Variants in SLC13A4 observed in about 807,000 individuals in gnomAD.
SLC13A4 encodes Na(+)/sulfate cotransporter SUT-1.
In SLC13A4, 28 loss-of-function variants were observed where a neutral mutation model predicts 72.7. The ratio of observed to expected loss-of-function variants is 0.39; its 90% CI spans 0.29 to 0.53. The LOEUF (loss-of-function observed/expected upper bound fraction) is 0.53. Ranked by LOEUF, SLC13A4 falls within the 20% of genes least tolerant of loss-of-function variation. The pLI is 0.78. For synonymous variants in SLC13A4, 312 were observed against 325.5 expected (o/e 0.96, Z 0.45); for missense variants, 653 against 788.0 (o/e 0.83, Z 2.05).
Position 135,701,775 on chromosome 7 carries a change from G to C in SLC13A4, c.634-15C>G, listed in dbSNP as rs1796042115. ...CCATTCAGGTTCTGTTGGGACAAAG[G>C]CCATCTCACTATTAGGAAGAGGAAG... On this transcript the variant is annotated splice_polypyrimidine_tract_variant and intron_variant, in intron 6 of 15. Coordinates refer to ENST00000682651, the MANE Select transcript of SLC13A4 (RefSeq NM_001318192.2). 2 of 1,612,768 alleles carry C rather than the reference G, an allele frequency of 1.2e-6. No individual in the cohort carries two copies. The highest frequency in any genetic ancestry group is 1.7e-6 in the Non-Finnish European group (2 of 1,179,330).
At position 135,685,570 on chromosome 7, in the gene SLC13A4, C is replaced by T. The variant is rs1795603679; in HGVS notation, c.1560G>A (p.Val520=). The part of the protein sequence containing the change: ...CILVSIVTEF[V]SNPATITIFL... ...AGATGGTGATGGTTGCTGGGTTGCT[C>T]ACAAACTCAGTGACAATGGACACGA... Residue 520 remains valine (V), a synonymous_variant, in exon 14 of 16, where the codon GTG becomes GTA. Coordinates refer to ENST00000682651, the MANE Select transcript of SLC13A4 (RefSeq NM_001318192.2). The T allele has an allele frequency of 1.9e-6, 3 of 1,614,092 alleles. No homozygotes were observed. The highest frequency in any genetic ancestry group is 3.3e-4 in the Middle Eastern group (2 of 6,084).
intron 7 of SLC13A4, among the ~76,000 whole-genome samples, 194 bp from the exon 8 acceptor site, chr7:135,699,742 C>T (rs1795988967): frequency 6.6e-6 from 1 of 152,090 alleles, no homozygotes; most frequent in African/African-American, 2.4e-5. Context: ...ATGGTGGAAA[C>T]CATATTTTCT....
intron 6 of SLC13A4, 108 bp downstream of exon 6, chr7:135,702,737 G>A: frequency 2.2e-6 from 2 of 892,160 alleles, no homozygotes; most frequent in South Asian, 2.7e-5. Flanking sequence ...GAACTCTAAG[G>A]TGGATCTGTA....
chr7:135,708,917 A>ATTTTTTTTTT (rs59407311), intron 2 of SLC13A4, among the ~76,000 whole-genome samples: 1 of 71,460 alleles, frequency 1.4e-5, no homozygotes, highest in Non-Finnish European at 2.4e-5. Context: ...GTCTTGCTCA[A>ATTTTTTTTTT]TTTTTTTTTT....
At chr7:135,726,596 C>T (rs977584958) in intron 1 of SLC13A4, among the ~76,000 whole-genome samples, 6 of 152,090 alleles carry the variant, frequency 3.9e-5, no homozygotes, top group African/African-American at 1.4e-4. Flanking sequence ...AGCAGGTGAC[C>T]ACCAGGAGGG....
intron 6 of SLC13A4, chr7:135,702,566 G>C: frequency 2.7e-6 from 1 of 366,028 alleles, no homozygotes; most frequent in Non-Finnish European, 5.1e-6. Context: ...AGTACAGGCG[G>C]GGTTTCACCA....
intron 4 of SLC13A4, 134 bp downstream of exon 4, chr7:135,705,994 G>A: frequency 2.6e-6 from 2 of 772,218 alleles, no homozygotes; most frequent in Non-Finnish European, 4.1e-6. Context: ...GGAAGAGGAA[G>A]GGGAATGTGG....
chr7:135,697,596 T>C (rs1019132141), intron 8 of SLC13A4, among the ~76,000 whole-genome samples: 1 of 142,844 alleles, frequency 7.0e-6, no homozygotes, highest in Non-Finnish European at 1.5e-5. Context: ...CTTTTTTTTT[T>C]TTTTTTCTTT....
chr7:135,724,726 T>TA (rs1385523343), intron 1 of SLC13A4, among the ~76,000 whole-genome samples: 1 of 152,164 alleles, frequency 6.6e-6, no homozygotes, highest in Non-Finnish European at 1.5e-5. Flanking sequence ...TATCATTTTT[T>TA]ACCTGGATTT....
At chr7:135,697,118 C>G (rs541938451) in intron 8 of SLC13A4, among the ~76,000 whole-genome samples, 1 of 152,330 alleles carries the variant, frequency 6.6e-6, no homozygotes, top group East Asian at 1.9e-4. Flanking sequence ...TATGAATATC[C>G]AGGCAGGGAC....
chr7:135,709,279 A>T (rs1796243191), intron 2 of SLC13A4, among the ~76,000 whole-genome samples: 1 of 151,820 alleles, frequency 6.6e-6, no homozygotes, highest in African/African-American at 2.4e-5. Flanking sequence ...AGTTCCAATG[A>T]ATTCCAAAAA....
At chr7:135,684,830 G>A (rs1332051190) in intron 14 of SLC13A4, among the ~76,000 whole-genome samples, 2 of 152,152 alleles carry the variant, frequency 1.3e-5, no homozygotes, top group African/African-American at 4.8e-5. Flanking sequence ...GTTAGAAAGA[G>A]CAGTAGGAGA....
chr7:135,726,765 G>A (rs1436339645), intron 1 of SLC13A4, among the ~76,000 whole-genome samples: 1 of 152,220 alleles, frequency 6.6e-6, no homozygotes, highest in Non-Finnish European at 1.5e-5. Flanking sequence ...AGAAAACACA[G>A]AAGACACAAA....
At chr7:135,701,653 CAG>C in intron 7 of SLC13A4, 25 bp downstream of exon 7, 1 of 1,609,364 alleles carries the variant, frequency 6.2e-7, no homozygotes, top group Non-Finnish European at 8.5e-7. Context: ...ATGTAGGAAA[CAG>C]AGCTAGAAGG....
Position 135,699,347 on chromosome 7 carries a change from C to T in SLC13A4, c.899+17G>A. The T allele has an allele frequency of 6.2e-7, 1 of 1,600,012 alleles. No homozygotes were observed. Among genetic ancestry groups the T allele is most frequent in the Non-Finnish European group, 8.5e-7 (1 of 1,171,710 alleles). ...GTGGTGGTTAGTAAATATTTGTTGA[C>T]CAAGTGAATCACTTACTTGTTGAAG... On this transcript the variant is annotated intron_variant, in intron 8 of 15. Coordinates refer to ENST00000682651, the MANE Select transcript of SLC13A4 (RefSeq NM_001318192.2).
At position 135,691,130 on chromosome 7, in the gene SLC13A4, C is replaced by T. The variant is rs1795775011; in HGVS notation, c.1446+71G>A. On this transcript the variant is annotated intron_variant, in intron 13 of 15. Coordinates refer to ENST00000682651, the MANE Select transcript of SLC13A4 (RefSeq NM_001318192.2). ...AGTGAGCTGAGATTGTGCCACTGCA[C>T]TCCAGCCTGGGTGACAGAGCAAGAC... 4 of 1,452,826 alleles carry T rather than the reference C, an allele frequency of 2.8e-6. No homozygotes were observed. The East Asian group carries it at 7.4e-5, about 27-fold the overall frequency. The allele number at this position is 1,452,826 out of a possible 1,614,324, so 90.0% of individuals were successfully genotyped here.
At chr7:135,716,318 T>G (rs937800147) in intron 2 of SLC13A4, among the ~76,000 whole-genome samples, 6 of 152,188 alleles carry the variant, frequency 3.9e-5, no homozygotes, top group African/African-American at 1.4e-4. Flanking sequence ...TAAAAAAAAT[T>G]TTTTTAGATG....
At position 135,685,507 on chromosome 7, in the gene SLC13A4, C is replaced by T. The variant is rs1436928489; in HGVS notation, c.1608+15G>A. ...GACAGCCTGTCTGGATGTCTGGGAGCTCCGCATTACTCACCAGGCTGCACA... is the reference window on the plus strand; with the variant it reads ...GACAGCCTGTCTGGATGTCTGGGAGTTCCGCATTACTCACCAGGCTGCACA... On this transcript the variant is annotated intron_variant, in intron 14 of 15. Coordinates refer to ENST00000682651, the MANE Select transcript of SLC13A4 (RefSeq NM_001318192.2). The T allele has an allele frequency of 6.2e-7, 1 of 1,610,852 alleles. No individual in the cohort carries two copies. The highest frequency in any genetic ancestry group is 1.1e-5 in the South Asian group (1 of 90,840).
intron 3 of SLC13A4, chr7:135,707,375 G>A (rs1796188185): frequency 6.6e-6 from 1 of 152,184 alleles, no homozygotes; most frequent in African/African-American, 2.4e-5. Context: ...TGGGAGACAG[G>A]AACATGCTTT....
Sources: allele counts gnomAD v4.1 joint callset (sites outside exome capture counted in the v4.1 genomes callset), GRCh38; gene constraint gnomAD v4.1.1; transcripts MANE v1.5; gene names NCBI Gene and HGNC (gene_info 2026-07-23, HGNC 2026-07-21).